CFAP65: variants seen among roughly 807,000 people sequenced by gnomAD.
The protein encoded by CFAP65 is cilia- and flagella-associated protein 65.
Under a neutral mutation model 208.0 loss-of-function variants are expected in CFAP65, and 155 were observed. That is an observed-to-expected ratio of 0.75 (90% CI 0.65 to 0.85). The LOEUF (loss-of-function observed/expected upper bound fraction) is 0.85, where lower values mean the gene tolerates loss of function less well. Ranked by LOEUF, CFAP65 falls within the 40% of genes least tolerant of loss-of-function variation. The probability of loss-of-function intolerance (pLI) is 0.00; values close to 1 mark genes in which losing one functional copy is unlikely to be tolerated. For synonymous variants in CFAP65, 970 were observed against 986.3 expected, an observed-to-expected ratio of 0.98 and a Z score of 0.31; for missense variants, 2,294 against 2,451.3, an observed-to-expected ratio of 0.94 and a Z score of 1.36.
At position 219,038,432 on chromosome 2, in the gene CFAP65, G is replaced by C. The variant is rs779511013; in HGVS notation, c.300C>G (p.Ile100Met). The change falls in exon 4 of 35, where the codon ATC (isoleucine) becomes ATG (methionine). Residue 100 changes from isoleucine to methionine, a missense_variant. Ile to Met is a conservative substitution (Grantham distance 10, BLOSUM62 1). This residue lies in a region of CFAP65 where 867 missense variants were observed against 1,012.6 expected (regional missense o/e 0.86). Transcript: ENST00000341552. ...GSCLSASTVA[I>M]PAINDSSAAM... ...CTGCACTGCTGTCGTTGATGGCAGG[G>C]ATGGCCACTGTGCTGGCACTCAGGC... 4.3e-6 allele frequency: 7 copies of C among 1,613,834 alleles called. No homozygotes were observed. In the East Asian group the frequency reaches 1.3e-4, roughly 31 times the overall value.
chr2:219,024,576 C>G (rs1947508073), intron 14 of CFAP65, among the ~76,000 whole-genome samples: 1 of 151,726 alleles, frequency 6.6e-6, no homozygotes, highest in Non-Finnish European at 1.5e-5. Flanking sequence ...TTTAGGGTGT[C>G]TTTGCATCAC....
chr2:219,030,272 G>C, intron 9 of CFAP65, 64 bp from the exon 10 acceptor site: 1 of 1,524,658 alleles, frequency 6.6e-7, no homozygotes, highest in South Asian at 1.1e-5. Flanking sequence ...TGATGGGACA[G>C]TCTACGCATT....
At chr2:219,024,636 G>A (rs115649646) in intron 14 of CFAP65, among the ~76,000 whole-genome samples, 2,587 of 152,298 alleles carry the variant, frequency 0.017, 61 homozygotes, top group African/African-American at 0.058. Flanking sequence ...CTCTGGGGCT[G>A]CAGTAAGTAA....
At chr2:219,019,478 C>T in intron 20 of CFAP65, 28 bp downstream of exon 20, 1 of 1,587,586 alleles carries the variant, frequency 6.3e-7, no homozygotes, top group Non-Finnish European at 8.6e-7. Flanking sequence ...TGCCCCCAGC[C>T]CCCACCCCCA....
intron 11 of CFAP65, 108 bp downstream of exon 11, chr2:219,029,295 G>T: frequency 1.4e-6 from 2 of 1,401,602 alleles, no homozygotes; most frequent in Non-Finnish European, 1.9e-6. Flanking sequence ...CAGGCAGACA[G>T]CCCTAGAAGT....
At position 219,002,917 on chromosome 2, in the gene CFAP65, G is replaced by T; in HGVS notation, c.*20C>A. On this transcript the variant is annotated 3_prime_UTR_variant, in exon 35 of 35. Coordinates refer to ENST00000341552, the MANE Select transcript of CFAP65 (RefSeq NM_194302.4). This position sits in a 1 kb window ranked among gnomAD's most constrained non-coding sequence, Gnocchi z 7.9. ...AGGCGTGACCCCTAGCGGCATGTCG[G>T]AGAGGCTGGGCGCGGGCATTTACGG... 1 of 1,558,560 alleles carries T rather than the reference G, an allele frequency of 6.4e-7. No homozygotes were observed. Among genetic ancestry groups the T allele is most frequent in the East Asian group, 2.3e-5 (1 of 42,764 alleles).
intron 29 of CFAP65, among the ~76,000 whole-genome samples, chr2:219,008,162 G>T (rs751430973): frequency 6.6e-6 from 1 of 152,028 alleles, no homozygotes; most frequent in Non-Finnish European, 1.5e-5. Flanking sequence ...AATTTCAAAC[G>T]TATACAAAAG....
chr2:219,041,443 G>A (rs1315977660), intron 1 of CFAP65, 45 bp downstream of exon 1: 6 of 1,548,450 alleles, frequency 3.9e-6, no homozygotes, highest in South Asian at 1.2e-5. Context: ...CACTCGCGCC[G>A]CTCCCTGAGA....
At chr2:219,005,840 C>T (rs1007896401) in intron 31 of CFAP65, among the ~76,000 whole-genome samples, 181 bp downstream of exon 31, 1 of 152,176 alleles carries the variant, frequency 6.6e-6, no homozygotes, top group Non-Finnish European at 1.5e-5. Flanking sequence ...TGCTTTGTCC[C>T]CCTCCTAAAA....
At position 219,003,595 on chromosome 2, in the gene CFAP65, T is replaced by G. The variant is rs1246929077; in HGVS notation, c.5556-323A>C. 6.6e-6 allele frequency among the ~76,000 whole-genome samples: 1 copy of G among 152,040 alleles called. No individual in the cohort carries two copies. Among genetic ancestry groups the G allele is most frequent in the African/African-American group, 2.4e-5 (1 of 41,390 alleles). On this transcript the variant is annotated intron_variant, in intron 33 of 34. Coordinates refer to ENST00000341552, the MANE Select transcript of CFAP65 (RefSeq NM_194302.4). The surrounding 1 kb of genome is among the most constrained non-coding windows in gnomAD (Gnocchi z 4.4). ...AAGGGACTGGGTGGGGCCTAGGGAA[T>G]CCCTACAATGACATAAATCATCTGT...
rs773785150 is a variant in CFAP65 at position 219,024,086 on chromosome 2, A to C, written c.2524T>G (p.Tyr842Asp). The change falls in exon 15 of 35, where the codon TAC (tyrosine) becomes GAC (aspartate). Residue 842 changes from tyrosine (Y) to aspartate (D), a missense_variant. Transcript: ENST00000341552. ...TGCTTCCAGGAGCTGCCCTCAGGGT[A>C]GGTGCAGATGAGGATGATCTGGTGG... The part of the protein sequence containing the change: ...GAHQIILICT[Y>D]PEGSSWKQHT... The C allele has an allele frequency of 8.7e-6, 14 of 1,614,054 alleles. No homozygotes were observed. In the South Asian group the frequency reaches 1.3e-4, roughly 15 times the overall value.
Position 219,013,974 on chromosome 2 carries a change from T to C in CFAP65, c.3673A>G (p.Thr1225Ala). 1 of 1,613,502 alleles carries C rather than the reference T, an allele frequency of 6.2e-7. No homozygotes were observed. Among genetic ancestry groups the C allele is most frequent in the Non-Finnish European group, 8.5e-7 (1 of 1,179,822 alleles). Residue 1225 changes from threonine to alanine, a missense_variant, in exon 22 of 35, where the codon ACT becomes GCT. Transcript: ENST00000341552. ...TGCACGCGCATCTGGTGGAGCTCAGTGGAATTCAACTCTGCTTGCTCTGCC... is the reference window on the plus strand; with the variant it reads ...TGCACGCGCATCTGGTGGAGCTCAGCGGAATTCAACTCTGCTTGCTCTGCC... ...LWAEQAELNS[T>A]ELHQMRVQDN...
At chr2:219,025,875 G>A in intron 14 of CFAP65, 147 bp downstream of exon 14, 1 of 990,320 alleles carries the variant, frequency 1.0e-6, no homozygotes. Context: ...CAGATACCCA[G>A]AATTGGCACA....
At chr2:219,029,753 G>A (rs1332016727) in intron 10 of CFAP65, 85 bp from the exon 11 acceptor site, 2 of 1,521,336 alleles carry the variant, frequency 1.3e-6, no homozygotes, top group Non-Finnish European at 1.8e-6. Flanking sequence ...CTCAGGGCCA[G>A]GCTACAGGCC....
At chr2:219,019,297 T>C in intron 20 of CFAP65, 118 bp from the exon 21 acceptor site, 1 of 1,351,482 alleles carries the variant, frequency 7.4e-7, no homozygotes, top group Non-Finnish European at 1.0e-6. Context: ...AATCTGGGAC[T>C]CAGGCGCAAG....
intron 2 of CFAP65, 83 bp downstream of exon 2, chr2:219,040,436 A>G (rs1948598699): frequency 1.3e-6 from 1 of 790,204 alleles, no homozygotes; most frequent in Non-Finnish European, 2.2e-6. Context: ...ATCTAGATTC[A>G]GTCGTTCGTT....
chr2:219,022,206 G>A lies in CFAP65; in HGVS notation c.2944C>T (p.Arg982Trp), dbSNP rs777730852. 24 of 1,605,552 alleles carry A rather than the reference G, an allele frequency of 1.5e-5. No individual in the cohort carries two copies. Among genetic ancestry groups the A allele is most frequent in the East Asian group, 1.1e-4 (5 of 44,692 alleles). The part of the protein sequence containing the change: ...NPAATTHYML[R>W]LVGVGLTSSL... ...CTGGTGAGCCCAACGCCCACCAGCC[G>A]GAGCATGTAGTGGGTGGTGGCAGCG... The change falls in exon 17 of 35, where the codon CGG (arginine) becomes TGG (tryptophan). Residue 982 changes from arginine (R) to tryptophan (W), a missense_variant. Physicochemically the swap from Arg to Trp is moderately radical, Grantham distance 101 (BLOSUM62 -3). This residue lies in a region of CFAP65 where 1,427 missense variants were observed against 1,438.7 expected (regional missense o/e 0.99). Transcript: ENST00000341552.
chr2:219,017,585 G>A (rs988847778), intron 21 of CFAP65, among the ~76,000 whole-genome samples: 1 of 152,266 alleles, frequency 6.6e-6, no homozygotes, highest in African/African-American at 2.4e-5. Flanking sequence ...GGCACGGACT[G>A]CCTTCCTGCA....
chr2:219,031,465 G>A lies in CFAP65; in HGVS notation c.815+24C>T, dbSNP rs755718748. On this transcript the variant is annotated intron_variant, in intron 7 of 34. Transcript: ENST00000341552. This position sits in a 1 kb window ranked among gnomAD's most constrained non-coding sequence, Gnocchi z 5.2. The stretch of plus-strand genomic sequence containing the variant: ...CCTCCTCACAGCTCTTGCTCTCCCC[G>A]CCGCACCTCAGCCTCTTCCTCACCC... The A allele has an allele frequency of 2.2e-5, 35 of 1,613,938 alleles. No individual in the cohort carries two copies. The Middle Eastern group carries it at 4.9e-4, about 23-fold the overall frequency.
Sources: allele counts gnomAD v4.1 joint callset (sites outside exome capture counted in the v4.1 genomes callset), GRCh38; gene constraint gnomAD v4.1.1; regional missense constraint gnomAD v4.1.1; non-coding constraint Gnocchi (gnomAD v3.1); transcripts MANE v1.5; gene names NCBI Gene and HGNC (gene_info 2026-07-23, HGNC 2026-07-21).